The following RTKN2 variants were observed in gnomAD, a reference collection of about 807,000 sequenced individuals.
RTKN2 encodes the protein rhotekin-2.
Under a neutral mutation model 71.5 loss-of-function variants are expected in RTKN2, and 69 were observed. That is an observed-to-expected ratio of 0.96 (90% CI 0.79 to 1.18). The LOEUF (loss-of-function observed/expected upper bound fraction) is 1.18. Among genes scored for constraint, RTKN2 ranks in the 50% most tolerant of loss-of-function variants. RTKN2 has a pLI of 0.00. For synonymous variants in RTKN2, 236 were observed against 236.5 expected (o/e 1.00, Z 0.02); for missense variants, 724 against 719.7 (o/e 1.01, Z -0.07).
At chr10:62,260,962 C>A (rs1225777980) in intron 2 of RTKN2, among the ~76,000 whole-genome samples, 1 of 152,092 alleles carries the variant, frequency 6.6e-6, no homozygotes, top group Non-Finnish European at 1.5e-5. Context: ...TCCCCTATCC[C>A]CAGGAATAAG....
intron 6 of RTKN2, among the ~76,000 whole-genome samples, chr10:62,228,326 A>G (rs1302692975): frequency 6.6e-6 from 1 of 152,222 alleles, no homozygotes; most frequent in Non-Finnish European, 1.5e-5. Flanking sequence ...ATATAAAAAT[A>G]GTATTTCAAG....
At chr10:62,266,128 C>G (rs187882641) in intron 1 of RTKN2, among the ~76,000 whole-genome samples, 3 of 152,102 alleles carry the variant, frequency 2.0e-5, no homozygotes, top group South Asian at 4.1e-4. Context: ...ACTGTCCTGA[C>G]GCTATAAGTA....
chr10:62,256,593 G>A (rs1228656001), intron 2 of RTKN2, among the ~76,000 whole-genome samples: 1 of 152,114 alleles, frequency 6.6e-6, no homozygotes, highest in Non-Finnish European at 1.5e-5. Flanking sequence ...TTATTGTGGT[G>A]TGTGTGCCAT....
intron 9 of RTKN2, among the ~76,000 whole-genome samples, chr10:62,207,275 T>C (rs1050239289): frequency 2.0e-5 from 3 of 152,146 alleles, no homozygotes; most frequent in South Asian, 2.1e-4. Context: ...CAAAAATATA[T>C]AAATACTACT....
At chr10:62,214,942 G>A (rs1841735914) in intron 9 of RTKN2, 1 of 610,482 alleles carries the variant, frequency 1.6e-6, no homozygotes, top group Non-Finnish European at 2.8e-6. Flanking sequence ...AGTTTGGAAA[G>A]TTCTATCTGA....
At chr10:62,205,881 A>G (rs1348762199) in intron 9 of RTKN2, among the ~76,000 whole-genome samples, 1 of 152,256 alleles carries the variant, frequency 6.6e-6, no homozygotes, top group South Asian at 2.1e-4. Context: ...CTGTACTAGA[A>G]CTATCTATTA....
chr10:62,203,530 ATACGGGGTTT>A (rs1215034469), intron 10 of RTKN2, among the ~76,000 whole-genome samples: 1 of 152,072 alleles, frequency 6.6e-6, no homozygotes, highest in African/African-American at 2.4e-5. Flanking sequence ...TTTTTAGTAG[ATACGGGGTTT>A]TACCATGTTG....
intron 9 of RTKN2, among the ~76,000 whole-genome samples, chr10:62,210,739 A>T (rs1308940422): frequency 2.0e-5 from 3 of 152,138 alleles, no homozygotes; most frequent in African/African-American, 7.2e-5. Context: ...ACCAACCATG[A>T]GGTATGATTA....
chr10:62,227,432 A>G (rs1010505904), intron 6 of RTKN2, among the ~76,000 whole-genome samples: 10 of 152,150 alleles, frequency 6.6e-5, no homozygotes, highest in Non-Finnish European at 1.0e-4. Flanking sequence ...CAGGCAGAGG[A>G]CAATACATAT....
chr10:62,184,306 T>C, exon 9 of RTKN2: 2 of 1,485,824 alleles, frequency 1.3e-6, no homozygotes, highest in African/African-American at 2.8e-5. Flanking sequence ...CTGGTTCTAA[T>C]GAAGTATTTG....
At chr10:62,249,712 G>A (rs2133052585) in intron 2 of RTKN2, among the ~76,000 whole-genome samples, 1 of 152,250 alleles carries the variant, frequency 6.6e-6, no homozygotes, top group African/African-American at 2.4e-5. Flanking sequence ...ATCTTTATCT[G>A]TAAAGTGGCA....
At chr10:62,203,005 A>G (rs1841475179) in intron 10 of RTKN2, among the ~76,000 whole-genome samples, 1 of 152,210 alleles carries the variant, frequency 6.6e-6, no homozygotes, top group African/African-American at 2.4e-5. Context: ...TACTAAAAAT[A>G]CAATATTAGT....
intron 10 of RTKN2, among the ~76,000 whole-genome samples, chr10:62,203,610 G>A (rs149001677): frequency 0.018 from 2,787 of 152,322 alleles, 82 homozygotes; most frequent in African/African-American, 0.063. Flanking sequence ...CTCCCAGAGT[G>A]CTGGGATTAC....
intron 9 of RTKN2, among the ~76,000 whole-genome samples, chr10:62,216,890 A>G (rs1352037969): frequency 2.0e-5 from 3 of 152,078 alleles, no homozygotes; most frequent in Non-Finnish European, 2.9e-5. Context: ...CTTAAAACCT[A>G]TTTACTGGTA....
At chr10:62,267,780 T>C (rs982104474) in intron 1 of RTKN2, among the ~76,000 whole-genome samples, 11 of 152,116 alleles carry the variant, frequency 7.2e-5, no homozygotes, top group Non-Finnish European at 8.8e-5. Context: ...TAAAAGAAGG[T>C]AGAGATTAAA....
At chr10:62,188,458 A>C (rs952488732), downstream of RTKN2, among the ~76,000 whole-genome samples, 4 of 152,194 alleles carry the variant, frequency 2.6e-5, no homozygotes, top group Non-Finnish European at 4.4e-5. Flanking sequence ...TGAATCACTA[A>C]GTCCAGCCCA....
chr10:62,201,799 T>C (rs953617034), intron 10 of RTKN2, among the ~76,000 whole-genome samples: 1 of 152,174 alleles, frequency 6.6e-6, no homozygotes, highest in Non-Finnish European at 1.5e-5. Context: ...AACGTGTTCA[T>C]GGGTCAAGAC....
intron 10 of RTKN2, 36 bp downstream of exon 10, chr10:62,204,821 A>G: frequency 6.8e-7 from 1 of 1,477,414 alleles, no homozygotes; most frequent in Non-Finnish European, 9.1e-7. Context: ...TAGGCTACAT[A>G]AATACACAAC....
intron 2 of RTKN2, among the ~76,000 whole-genome samples, chr10:62,255,466 T>C (rs995639991): frequency 2.6e-5 from 4 of 152,092 alleles, no homozygotes; most frequent in Non-Finnish European, 4.4e-5. Context: ...CTATAAATGA[T>C]AATAAAACAT....
Sources: allele counts gnomAD v4.1 joint callset (sites outside exome capture counted in the v4.1 genomes callset), GRCh38; gene constraint gnomAD v4.1.1; transcripts MANE v1.5; gene names NCBI Gene and HGNC (gene_info 2026-07-23, HGNC 2026-07-21).